Variants in NAALADL2 observed in about 807,000 individuals in gnomAD.
NAALADL2 encodes inactive N-acetylated-alpha-linked acidic dipeptidase-like protein 2.
A neutral mutation model predicts 87.2 loss-of-function variants in NAALADL2; 76 were observed. The observed-to-expected ratio is 0.87, with a 90% CI of 0.72 to 1.05. NAALADL2 has a LOEUF of 1.05. Ranked by LOEUF, NAALADL2 falls within the 50% of genes least tolerant of loss-of-function variation. NAALADL2 has a pLI of 0.00. For synonymous variants in NAALADL2, 354 were observed against 331.0 expected (o/e 1.07, Z -0.75); for missense variants, 1,089 against 945.8 (o/e 1.15, Z -1.99).
intron 9 of NAALADL2, among the ~76,000 whole-genome samples, chr3:175,490,194 T>G (rs1464388554): frequency 1.3e-5 from 2 of 152,106 alleles, no homozygotes; most frequent in Non-Finnish European, 2.9e-5. Flanking sequence ...AGATAGCCCT[T>G]CTTTGCTGTA....
chr3:175,339,242 A>T (rs1762344213), intron 5 of NAALADL2, among the ~76,000 whole-genome samples: 1 of 152,208 alleles, frequency 6.6e-6, no homozygotes, highest in Non-Finnish European at 1.5e-5. Context: ...TGAAATAAGT[A>T]GGTTGGACAG....
intron 1 of NAALADL2, among the ~76,000 whole-genome samples, chr3:174,918,284 T>TA (rs1560362269): frequency 6.6e-6 from 1 of 152,120 alleles, no homozygotes; most frequent in East Asian, 1.9e-4. Context: ...GTGCATACTA[T>TA]AAAAAAATAT....
intron 9 of NAALADL2, among the ~76,000 whole-genome samples, chr3:175,537,238 G>C (rs997776799): frequency 9.9e-5 from 15 of 152,080 alleles, no homozygotes; most frequent in African/African-American, 3.1e-4. Context: ...GAATACTGCC[G>C]CTTCTCAAAA....
At chr3:175,773,906 C>G (rs889753236) in intron 13 of NAALADL2, among the ~76,000 whole-genome samples, 1 of 152,080 alleles carries the variant, frequency 6.6e-6, no homozygotes, top group African/African-American at 2.4e-5. Context: ...CCACTCTTCC[C>G]CCATATAACA....
At chr3:175,655,137 T>C (rs1227642470) in intron 11 of NAALADL2, among the ~76,000 whole-genome samples, 1 of 152,170 alleles carries the variant, frequency 6.6e-6, no homozygotes, top group Non-Finnish European at 1.5e-5. Flanking sequence ...TGTTAACATT[T>C]ATCTCAACTG....
At chr3:174,926,230 G>C (rs1200479364) in intron 1 of NAALADL2, among the ~76,000 whole-genome samples, 1 of 152,196 alleles carries the variant, frequency 6.6e-6, no homozygotes, top group African/African-American at 2.4e-5. Context: ...ATCTACATCT[G>C]ATTGGTGTAC....
rs1441790733 is a variant in NAALADL2, at chr3:175,305,252, G to A, written c.940-18923G>A. ...GGTGTGTGTGTGTGTGTTTGTGTAT[G>A]TGTGTGTGTGTGTGTGTGTATGTGT... On this transcript the variant is annotated intron_variant, in intron 4 of 13. Coordinates refer to ENST00000454872, the MANE Select transcript of NAALADL2 (RefSeq NM_207015.3). Among the ~76,000 whole-genome samples, 6 of 62,690 alleles carry A rather than the reference G, an allele frequency of 9.6e-5. No individual in the cohort carries two copies. In the East Asian group the frequency reaches 2.2e-3, roughly 22 times the overall value. The allele number at this position is 62,690 out of a possible 152,430, so 41.1% of individuals were successfully genotyped here. A position where few individuals can be genotyped will look rare whatever the true frequency, so the allele number is the denominator to read the frequency against.
intron 1 of NAALADL2, among the ~76,000 whole-genome samples, chr3:174,860,983 C>T (rs1333018271): frequency 1.3e-5 from 2 of 152,016 alleles, no homozygotes; most frequent in Middle Eastern, 3.2e-3. Flanking sequence ...AAATTCAACA[C>T]AAGTGATATA....
chr3:175,513,942 G>A (rs1421027410), intron 9 of NAALADL2, among the ~76,000 whole-genome samples: 1 of 152,234 alleles, frequency 6.6e-6, no homozygotes, highest in Non-Finnish European at 1.5e-5. Context: ...GGGAGACAAA[G>A]CTAGACATAA....
chr3:174,509,568 A>ATTTTTTTTTTTTTTTTT (rs145219498), intron 1 of NAALADL2, among the ~76,000 whole-genome samples: 3 of 80,096 alleles, frequency 3.7e-5, no homozygotes, highest in Non-Finnish European at 6.8e-5. Context: ...CACCCAGCTA[A>ATTTTTTTTTTTTTTTTT]TTTTTTTTTT....
intron 3 of NAALADL2, among the ~76,000 whole-genome samples, chr3:174,848,363 A>G (rs1724871853): frequency 6.6e-6 from 1 of 152,162 alleles, no homozygotes; most frequent in South Asian, 2.1e-4. Context: ...TGAGTAGTTT[A>G]TAAGTGATAT....
chr3:174,596,955 C>T (rs1717973482), intron 2 of NAALADL2, among the ~76,000 whole-genome samples: 1 of 152,094 alleles, frequency 6.6e-6, no homozygotes, highest in African/African-American at 2.4e-5. Flanking sequence ...GGCTCTCATC[C>T]TTTTTATGAT....
intron 2 of NAALADL2, among the ~76,000 whole-genome samples, chr3:174,678,472 T>C (rs1187465912): frequency 6.6e-6 from 1 of 152,186 alleles, no homozygotes; most frequent in African/African-American, 2.4e-5. Flanking sequence ...AAAGTGGGTG[T>C]ACAAATTTGC....
chr3:175,019,504 A>C (rs1241293393), intron 1 of NAALADL2, among the ~76,000 whole-genome samples: 1 of 152,058 alleles, frequency 6.6e-6, no homozygotes, highest in Non-Finnish European at 1.5e-5. Flanking sequence ...AATCAGTAAT[A>C]TGACACAGTA....
At chr3:174,877,766 G>T (rs893926096) in intron 1 of NAALADL2, among the ~76,000 whole-genome samples, 2 of 151,896 alleles carry the variant, frequency 1.3e-5, no homozygotes, top group Non-Finnish European at 2.9e-5. Flanking sequence ...ATAGCAGCTA[G>T]AAATCAAACG....
chr3:175,163,064 A>G (rs1733476444), intron 2 of NAALADL2, among the ~76,000 whole-genome samples: 1 of 152,146 alleles, frequency 6.6e-6, no homozygotes, highest in African/African-American at 2.4e-5. Flanking sequence ...ATCATGATAT[A>G]TATTGTTTCC....
chr3:175,660,296 T>A (rs1277269255), intron 11 of NAALADL2, among the ~76,000 whole-genome samples: 2 of 152,164 alleles, frequency 1.3e-5, no homozygotes, highest in Non-Finnish European at 1.5e-5. Context: ...CTATTCAGTC[T>A]TCCTGCATCA....
At chr3:175,229,609 A>G (rs1022192865) in intron 2 of NAALADL2, among the ~76,000 whole-genome samples, 1 of 151,986 alleles carries the variant, frequency 6.6e-6, no homozygotes, top group African/African-American at 2.4e-5. Flanking sequence ...GGTGCTTTTT[A>G]GCTGTGTCTT....
chr3:175,802,546 C>A (rs1302502251), intron 13 of NAALADL2, among the ~76,000 whole-genome samples: 1 of 146,972 alleles, frequency 6.8e-6, no homozygotes, highest in African/African-American at 2.7e-5. Flanking sequence ...ATAGGTTCCC[C>A]CTGCATTATA....
Sources: allele counts gnomAD v4.1 joint callset (sites outside exome capture counted in the v4.1 genomes callset), GRCh38; gene constraint gnomAD v4.1.1; transcripts MANE v1.5; gene names NCBI Gene and HGNC (gene_info 2026-07-23, HGNC 2026-07-21).